The following ZNF420 variants were observed in gnomAD, a reference collection of about 807,000 sequenced individuals.
ZNF420 encodes zinc finger protein 420.
A neutral mutation model predicts 44.7 loss-of-function variants in ZNF420; 31 were observed. The observed-to-expected ratio is 0.69, with a 90% CI of 0.52 to 0.94. The LOEUF (loss-of-function observed/expected upper bound fraction) is 0.94. Among genes scored for constraint, ZNF420 ranks in the 40% least tolerant of loss-of-function variants. ZNF420 has a pLI of 0.00. For missense variants in ZNF420, 681 were observed against 827.9 expected, an observed-to-expected ratio of 0.82 and a Z score of 2.18; for synonymous variants, 245 against 267.4, an observed-to-expected ratio of 0.92 and a Z score of 0.82.
intron 1 of ZNF420, among the ~76,000 whole-genome samples, chr19:37,047,094 G>A (rs1484690287): frequency 6.6e-6 from 1 of 151,694 alleles, no homozygotes; most frequent in Non-Finnish European, 1.5e-5. Context: ...TATGCTATGA[G>A]CCAACGATTA....
At chr19:37,038,745 G>A (rs772775543) in intron 1 of ZNF420, among the ~76,000 whole-genome samples, 1 of 152,104 alleles carries the variant, frequency 6.6e-6, no homozygotes, top group Non-Finnish European at 1.5e-5. Flanking sequence ...CTGAGCTTGG[G>A]AGTTCGAGAC....
At chr19:37,085,382 C>T (rs73625258) in intron 2 of ZNF420, among the ~76,000 whole-genome samples, 1,741 of 152,260 alleles carry the variant, frequency 0.011, 41 homozygotes, top group African/African-American at 0.04. Flanking sequence ...CCTTTCCATA[C>T]GCAGTTGTTA....
chr19:37,088,552 T>G (rs376318350), intron 2 of ZNF420, among the ~76,000 whole-genome samples: 184 of 152,348 alleles, frequency 1.2e-3, no homozygotes, highest in African/African-American at 4.3e-3. Flanking sequence ...AGATAATGCA[T>G]TTCTATTTAT....
At chr19:37,064,813 A>C (rs1318355039) in intron 1 of ZNF420, among the ~76,000 whole-genome samples, 1 of 152,196 alleles carries the variant, frequency 6.6e-6, no homozygotes. Flanking sequence ...GGGAAAATGA[A>C]GAATCTTTCC....
At chr19:37,034,030 C>A (rs1967309619) in intron 1 of ZNF420, among the ~76,000 whole-genome samples, 1 of 151,532 alleles carries the variant, frequency 6.6e-6, no homozygotes, top group Admixed American at 6.6e-5. Flanking sequence ...GCTGGGATTG[C>A]AGGCATGAGC....
rs546686955 is a variant in ZNF420 at position 37,083,036 on chromosome 19, A to G, written c.-81+2648A>G. Among the ~76,000 whole-genome samples, 6 of 114,574 alleles carry G rather than the reference A, an allele frequency of 5.2e-5. No homozygotes were observed. In the South Asian group the frequency reaches 1.5e-3, roughly 29 times the overall value. 75.2% of individuals were successfully genotyped at this position (114,574 alleles called of 152,430 possible). A position where few individuals can be genotyped will look rare whatever the true frequency, so the allele number is the denominator to read the frequency against. On this transcript the variant is annotated intron_variant, in intron 2 of 4. Transcript: ENST00000337995. ...CCACCATGCCCAGCTAATTTTTTGT[A>G]TTTTAGTAGAGACAGGGTTTCACCA... is the stretch of plus-strand genomic sequence containing the variant.
At chr19:37,103,427 C>T (rs1311290775) in intron 4 of ZNF420, among the ~76,000 whole-genome samples, 2 of 151,956 alleles carry the variant, frequency 1.3e-5, no homozygotes, top group South Asian at 2.1e-4. Flanking sequence ...TCTACTATGA[C>T]GGTGATTAAT....
At chr19:37,078,093 C>G (rs1450960304), upstream of ZNF420, 3 of 153,186 alleles carry the variant, frequency 2.0e-5, no homozygotes, top group East Asian at 1.9e-4. Context: ...GCTCCTCCCC[C>G]GCACCTGCCT....
At chr19:37,035,039 G>C (rs1020988307) in intron 1 of ZNF420, among the ~76,000 whole-genome samples, 39 of 152,146 alleles carry the variant, frequency 2.6e-4, no homozygotes, top group African/African-American at 9.2e-4. Flanking sequence ...AACTTAATGG[G>C]AGACCATTAG....
At chr19:37,036,467 C>A (rs369433786) in intron 1 of ZNF420, among the ~76,000 whole-genome samples, 1 of 152,118 alleles carries the variant, frequency 6.6e-6, no homozygotes, top group Non-Finnish European at 1.5e-5. Context: ...TCCTGCCCCC[C>A]GTTCATTCAG....
intron 1 of ZNF420, among the ~76,000 whole-genome samples, chr19:37,014,349 C>T (rs1008820605): frequency 6.6e-6 from 1 of 152,084 alleles, no homozygotes; most frequent in Non-Finnish European, 1.5e-5. Flanking sequence ...TGTTACTGTG[C>T]CCCAGCGACC....
intron 1 of ZNF420, among the ~76,000 whole-genome samples, chr19:37,011,954 TG>T (rs1461488448): frequency 6.6e-6 from 1 of 152,198 alleles, no homozygotes; most frequent in Admixed American, 6.5e-5. Flanking sequence ...AGAGGGCTCA[TG>T]TGTCAGTGAA....
At chr19:37,009,991 G>A (rs570949367) in intron 1 of ZNF420, among the ~76,000 whole-genome samples, 1 of 152,162 alleles carries the variant, frequency 6.6e-6, no homozygotes, top group African/African-American at 2.4e-5. Flanking sequence ...TGCAGCAGGA[G>A]CCCCTACTGC....
chr19:37,029,962 A>G (rs1352637726), intron 1 of ZNF420, among the ~76,000 whole-genome samples: 1 of 152,160 alleles, frequency 6.6e-6, no homozygotes, highest in Non-Finnish European at 1.5e-5. Context: ...TTGGTGTGGC[A>G]AGGGAAGCTA....
chr19:37,043,131 CG>C (rs1335697215), intron 1 of ZNF420, among the ~76,000 whole-genome samples: 1 of 152,066 alleles, frequency 6.6e-6, no homozygotes, highest in Non-Finnish European at 1.5e-5. Flanking sequence ...TAATAGTAAT[CG>C]AAAAGTTTGA....
At chr19:37,032,092 C>G (rs1454284104) in intron 1 of ZNF420, among the ~76,000 whole-genome samples, 2 of 152,138 alleles carry the variant, frequency 1.3e-5, no homozygotes, top group East Asian at 1.9e-4. Flanking sequence ...CGCCTGTAAT[C>G]CCAATGCTTT....
At chr19:37,081,700 A>ATTTTTTTTT (rs35066350) in intron 2 of ZNF420, among the ~76,000 whole-genome samples, 9 of 66,870 alleles carry the variant, frequency 1.3e-4, no homozygotes, top group East Asian at 4.7e-4. Context: ...TAATTTTTGT[A>ATTTTTTTTT]TTTTTTTTTT....
At chr19:37,052,444 C>G (rs1187082160) in intron 1 of ZNF420, among the ~76,000 whole-genome samples, 2 of 152,114 alleles carry the variant, frequency 1.3e-5, no homozygotes, top group South Asian at 4.1e-4. Context: ...TTGATGCAGT[C>G]TCTTCCTAGC....
At chr19:37,038,598 T>G (rs551568922) in intron 1 of ZNF420, among the ~76,000 whole-genome samples, 2 of 152,308 alleles carry the variant, frequency 1.3e-5, no homozygotes, top group African/African-American at 4.8e-5. Context: ...CAGGAGTAGA[T>G]TCCATCTCAA....
Sources: gnomAD v4.1 joint callset for allele counts (sites outside exome capture counted in the v4.1 genomes callset) on GRCh38, gnomAD v4.1.1 for gene constraint, MANE v1.5 for transcripts, NCBI Gene and HGNC (gene_info 2026-07-23, HGNC 2026-07-21) for gene names.